Variants in C12orf42 observed in about 807,000 individuals in gnomAD.
The protein encoded by C12orf42 is chromosome 12 open reading frame 42.
Under a neutral mutation model 21.6 loss-of-function variants are expected in C12orf42, and 25 were observed. The observed-to-expected ratio is 1.16, with a 90% CI of 0.84 to 1.62. The LOEUF is 1.62. Ranked by LOEUF, C12orf42 falls within the 40% of genes most tolerant of loss-of-function variation. The pLI, the probability that C12orf42 is intolerant of heterozygous loss-of-function variation, is 0.00. For synonymous variants in C12orf42, 174 were observed against 175.0 expected, an observed-to-expected ratio of 0.99 and a Z score of 0.05; for missense variants, 483 against 459.3, an observed-to-expected ratio of 1.05 and a Z score of -0.47.
the C12orf42 span, among the ~76,000 whole-genome samples, chr12:103,209,600 C>T: frequency 1.3e-5 from 2 of 152,288 alleles, no homozygotes; most frequent in East Asian, 3.9e-4. Flanking sequence ...ACTCACACAA[C>T]GGCCAGCGCT....
chr12:103,521,011 C>G, the C12orf42 span, among the ~76,000 whole-genome samples: 2 of 152,208 alleles, frequency 1.3e-5, no homozygotes, highest in East Asian at 3.9e-4. Context: ...CCCTCCTAGA[C>G]AGTAAACACC....
At chr12:103,125,415 C>T in the C12orf42 span, among the ~76,000 whole-genome samples, 1 of 152,124 alleles carries the variant, frequency 6.6e-6, no homozygotes, top group African/African-American at 2.4e-5. Flanking sequence ...CCATAGGACC[C>T]TCTCCTGTGA....
chr12:103,203,582 CTT>C, the C12orf42 span, among the ~76,000 whole-genome samples: 1 of 152,124 alleles, frequency 6.6e-6, no homozygotes, highest in East Asian at 1.9e-4. Flanking sequence ...GGAAATTTAA[CTT>C]TTCAGATGGG....
chr12:103,123,733 A>T, the C12orf42 span, among the ~76,000 whole-genome samples: 1 of 151,928 alleles, frequency 6.6e-6, no homozygotes, highest in Non-Finnish European at 1.5e-5. Flanking sequence ...TTTTATATTG[A>T]TTACATACTG....
the C12orf42 span, among the ~76,000 whole-genome samples, chr12:103,139,499 T>C: frequency 2.0e-5 from 3 of 152,110 alleles, no homozygotes; most frequent in African/African-American, 7.2e-5. Context: ...TTTCAAGATA[T>C]TGATTTATGT....
At chr12:103,346,251 A>T (rs1227467612) in intron 4 of C12orf42, among the ~76,000 whole-genome samples, 1 of 152,222 alleles carries the variant, frequency 6.6e-6, no homozygotes, top group Non-Finnish European at 1.5e-5. Flanking sequence ...TTAAATAAAT[A>T]ATGTTATTAC....
At chr12:103,172,195 T>A in the C12orf42 span, among the ~76,000 whole-genome samples, 6 of 152,024 alleles carry the variant, frequency 3.9e-5, no homozygotes, top group African/African-American at 7.2e-5. Flanking sequence ...TTCATAAATT[T>A]CCCAATCTGT....
At chr12:103,542,675 A>G in the C12orf42 span, among the ~76,000 whole-genome samples, 1 of 152,232 alleles carries the variant, frequency 6.6e-6, no homozygotes, top group Admixed American at 6.5e-5. Flanking sequence ...GAGATGGAGA[A>G]GTACTATTTG....
chr12:103,130,364 C>T, the C12orf42 span, among the ~76,000 whole-genome samples: 1 of 150,478 alleles, frequency 6.6e-6, no homozygotes. Flanking sequence ...GATGGCTTGA[C>T]TGAGGCTTTA....
At chr12:103,430,627 G>A (rs535772346) in intron 2 of C12orf42, among the ~76,000 whole-genome samples, 1 of 152,276 alleles carries the variant, frequency 6.6e-6, no homozygotes, top group South Asian at 2.1e-4. Context: ...ATACCCAAAG[G>A]ATCATAAATC....
At chr12:103,371,169 G>A (rs1253181898) in intron 3 of C12orf42, among the ~76,000 whole-genome samples, 1 of 152,094 alleles carries the variant, frequency 6.6e-6, no homozygotes, top group South Asian at 2.1e-4. Context: ...AAAGGGTAAG[G>A]TTTTCATCTT....
At chr12:103,322,438 A>C (rs2040270733) in intron 4 of C12orf42, among the ~76,000 whole-genome samples, 1 of 152,024 alleles carries the variant, frequency 6.6e-6, no homozygotes, top group Non-Finnish European at 1.5e-5. Context: ...ATGTTTTCAT[A>C]TTTCACTGTT....
At chr12:103,221,445 G>A in the C12orf42 span, among the ~76,000 whole-genome samples, 1 of 152,124 alleles carries the variant, frequency 6.6e-6, no homozygotes, top group Non-Finnish European at 1.5e-5. Context: ...GTTTTCAAGA[G>A]CCTTCTATTG....
At chr12:103,561,716 C>T in the C12orf42 span, among the ~76,000 whole-genome samples, 1 of 152,172 alleles carries the variant, frequency 6.6e-6, no homozygotes, top group African/African-American at 2.4e-5. Flanking sequence ...TGCACCCTTA[C>T]CCTTTACAAA....
intron 10 of C12orf42, among the ~76,000 whole-genome samples, chr12:103,257,363 T>TA (rs966475542): frequency 4.6e-5 from 7 of 151,868 alleles, no homozygotes; most frequent in Admixed American, 2.0e-4. Context: ...AAAATAAAGT[T>TA]AAAAAAAGAA....
chr12:103,450,589 A>G (rs1348705877), intron 2 of C12orf42, among the ~76,000 whole-genome samples: 2 of 152,064 alleles, frequency 1.3e-5, no homozygotes, highest in Non-Finnish European at 2.9e-5. Flanking sequence ...CAATTCTAAA[A>G]TCTTACTGAG....
the C12orf42 span, chr12:103,081,038 C>G: frequency 6.6e-6 from 1 of 152,198 alleles, no homozygotes; most frequent in Non-Finnish European, 1.5e-5. Flanking sequence ...ATTCTGATTA[C>G]TACGTCTTAA....
chr12:103,495,199 G>A (rs189413636), intron 1 of C12orf42, among the ~76,000 whole-genome samples: 91 of 148,402 alleles, frequency 6.1e-4, no homozygotes, highest in African/African-American at 2.1e-3. Flanking sequence ...TATCTCAATG[G>A]AAATTAACCA....
the C12orf42 span, among the ~76,000 whole-genome samples, chr12:103,064,418 G>C: frequency 2.6e-5 from 4 of 152,238 alleles, no homozygotes; most frequent in African/African-American, 7.2e-5. Context: ...GACCTGTGTA[G>C]AGTTCTGGCA....
Sources: allele counts gnomAD v4.1 joint callset (sites outside exome capture counted in the v4.1 genomes callset), GRCh38; gene constraint gnomAD v4.1.1; transcripts MANE v1.5; gene names NCBI Gene and HGNC (gene_info 2026-07-23, HGNC 2026-07-21).